Variants in TTC39B observed in about 807,000 individuals in gnomAD.
TTC39B encodes the protein tetratricopeptide repeat protein 39B.
In TTC39B, 92 loss-of-function variants were observed where a neutral mutation model predicts 96.6. The observed-to-expected ratio is 0.95, with a 90% CI of 0.80 to 1.13. TTC39B has a LOEUF of 1.13. TTC39B is among the 50% of genes most tolerant of loss of function. The probability of loss-of-function intolerance (pLI) is 0.00; values close to 1 mark genes in which losing one functional copy is unlikely to be tolerated. For synonymous variants in TTC39B, 367 were observed against 299.4 expected (o/e 1.23, Z -2.33); for missense variants, 955 against 809.3 (o/e 1.18, Z -2.18).
chr9:15,175,626 A>G (rs1265524245), intron 18 of TTC39B, among the ~76,000 whole-genome samples: 1 of 152,198 alleles, frequency 6.6e-6, no homozygotes, highest in East Asian at 1.9e-4. Flanking sequence ...TGTAAAAGCA[A>G]TGAAAAAAAA....
intron 1 of TTC39B, among the ~76,000 whole-genome samples, chr9:15,302,924 C>T (rs556602563): frequency 2.6e-5 from 4 of 152,198 alleles, no homozygotes; most frequent in Admixed American, 1.3e-4. Flanking sequence ...AATCCCAGCA[C>T]TTTGGGAGGC....
At chr9:15,170,453 C>T (rs922531825) in exon 20 of TTC39B, 3 of 152,166 alleles carry the variant, frequency 2.0e-5, no homozygotes, top group Non-Finnish European at 2.9e-5. Context: ...ACATAAAAAA[C>T]CATAATTATT....
In TTC39B at chr9:15,251,746, A is replaced by G. The variant is rs527940468; in HGVS notation, c.275+16168T>C. 3.0e-3 allele frequency among the ~76,000 whole-genome samples: 352 copies of G among 117,150 alleles called. 1 individual carries two copies. The highest frequency in any genetic ancestry group is 8.5e-3 in the African/African-American group (302 of 35,526). The allele number at this position is 117,150 out of a possible 152,430, so 76.9% of individuals were successfully genotyped here. On this transcript the variant is annotated intron_variant, in intron 2 of 19. Coordinates refer to ENST00000512701, the Ensembl canonical transcript of TTC39B. ...ATATATATATATATATGTAGTATAT[A>G]TGGAGGGGACAAGACAGCTAAATGT...
intron 4 of TTC39B, 137 bp downstream of exon 4, chr9:15,214,002 C>A: frequency 7.6e-6 from 4 of 525,480 alleles, no homozygotes; most frequent in Admixed American, 3.7e-5. Flanking sequence ...TAAAAGTGAC[C>A]AAAGTAAAGA....
At chr9:15,252,551 G>A (rs1822602530) in intron 2 of TTC39B, among the ~76,000 whole-genome samples, 1 of 152,124 alleles carries the variant, frequency 6.6e-6, no homozygotes, top group African/African-American at 2.4e-5. Context: ...GGGAGGCTGA[G>A]GCAGGAGAAT....
exon 20 of TTC39B, chr9:15,166,982 TTATATATATATATATATATATATATATA>T (rs1174714919): frequency 2.0e-4 from 4 of 20,280 alleles, no homozygotes; most frequent in African/African-American, 7.3e-4. Context: ...AACCTTTATT[TTATATATATATATATATATATATATATA>T]TATATATATA....
At chr9:15,221,347 T>C (rs1820831534) in intron 3 of TTC39B, among the ~76,000 whole-genome samples, 2 of 152,228 alleles carry the variant, frequency 1.3e-5, no homozygotes, top group South Asian at 4.1e-4. Context: ...TTCATATTAA[T>C]TGATTCTGTG....
At chr9:15,294,075 A>C (rs13300981) in intron 1 of TTC39B, among the ~76,000 whole-genome samples, 19,677 of 152,142 alleles carry the variant, frequency 0.13, 1,994 homozygotes, top group African/African-American at 0.29. Context: ...ATTCTGCTGA[A>C]GTTTTTATCA....
chr9:15,183,416 A>G (rs1002495477), intron 16 of TTC39B: 1 of 401,354 alleles, frequency 2.5e-6, no homozygotes. Flanking sequence ...GGGCAAGCTC[A>G]TATCTGAGAC....
intron 2 of TTC39B, among the ~76,000 whole-genome samples, chr9:15,231,953 G>A (rs1173285199): frequency 6.6e-6 from 1 of 152,024 alleles, no homozygotes; most frequent in East Asian, 1.9e-4. Context: ...ATCCTGCAGA[G>A]ACCTTGGCAC....
Position 15,189,473 on chromosome 9 carries a change from T to A in TTC39B, c.1233+101A>T. ...TTTTTCTTTATTTTTGTCTAGTCCA[T>A]ATAGCCAAGTTTACTTTTGTTGAAT... On this transcript the variant is annotated intron_variant, in intron 13 of 19. Transcript: ENST00000512701. 3 of 1,276,484 alleles carry A rather than the reference T, an allele frequency of 2.4e-6. No homozygotes were observed. In the South Asian group the frequency reaches 4.0e-5, roughly 17 times the overall value. 79.1% of individuals were successfully genotyped at this position (1,276,484 alleles called of 1,614,324 possible). A position where few individuals can be genotyped will look rare whatever the true frequency, so the allele number is the denominator to read the frequency against.
chr9:15,296,927 C>T (rs1824402383), intron 1 of TTC39B, among the ~76,000 whole-genome samples: 1 of 152,110 alleles, frequency 6.6e-6, no homozygotes, highest in Non-Finnish European at 1.5e-5. Flanking sequence ...GTCAAGTCTG[C>T]AGTAAGCCAT....
exon 20 of TTC39B, chr9:15,167,005 TATATATATATA>T (rs1817535487): frequency 6.5e-4 from 5 of 7,684 alleles, no homozygotes; most frequent in East Asian, 7.5e-3. Flanking sequence ...TATATATATA[TATATATATATA>T]TATATATATA....
At chr9:15,192,983 G>A (rs1054185844) in intron 8 of TTC39B, among the ~76,000 whole-genome samples, 2 of 152,180 alleles carry the variant, frequency 1.3e-5, no homozygotes, top group Non-Finnish European at 2.9e-5. Context: ...AGGACCACAG[G>A]CTGCCATCCC....
At chr9:15,189,509 C>T (rs1306263026) in intron 13 of TTC39B, 65 bp downstream of exon 13, 28 of 1,529,264 alleles carry the variant, frequency 1.8e-5, no homozygotes, top group Non-Finnish European at 9.0e-7. Flanking sequence ...AAGTAGGTCA[C>T]AGCGACTCAT....
At chr9:15,185,876 A>G (rs1397034691) in intron 15 of TTC39B, among the ~76,000 whole-genome samples, 4 of 152,242 alleles carry the variant, frequency 2.6e-5, no homozygotes, top group African/African-American at 7.2e-5. Context: ...TCTATAAAAT[A>G]ATATGGCTCA....
intron 3 of TTC39B, among the ~76,000 whole-genome samples, chr9:15,217,889 C>T (rs745795766): frequency 3.9e-5 from 6 of 152,066 alleles, no homozygotes; most frequent in African/African-American, 1.2e-4. Context: ...CCAACCAGAC[C>T]GGAATGATGA....
chr9:15,201,293 G>A (rs549356752), intron 7 of TTC39B, among the ~76,000 whole-genome samples: 24 of 151,702 alleles, frequency 1.6e-4, no homozygotes, highest in African/African-American at 4.1e-4. Flanking sequence ...CTCATTTCAG[G>A]ATTCATCAAA....
chr9:15,284,556 A>G (rs953716996), intron 1 of TTC39B, among the ~76,000 whole-genome samples: 11 of 152,238 alleles, frequency 7.2e-5, no homozygotes, highest in African/African-American at 2.4e-4. Context: ...AAACAGTGAA[A>G]ACATATCTCT....
Sources: allele counts gnomAD v4.1 joint callset (sites outside exome capture counted in the v4.1 genomes callset), GRCh38; gene constraint gnomAD v4.1.1; transcripts MANE v1.5; gene names NCBI Gene and HGNC (gene_info 2026-07-23, HGNC 2026-07-21).